Variants in ADCY2 observed in about 807,000 individuals in gnomAD.
ADCY2 encodes the protein adenylate cyclase type 2.
Under a neutral mutation model 125.2 loss-of-function variants are expected in ADCY2, and 31 were observed. That is an observed-to-expected ratio of 0.25 (90% confidence interval 0.19 to 0.33). The LOEUF (loss-of-function observed/expected upper bound fraction) is 0.33. Among genes scored for constraint, ADCY2 ranks in the 10% least tolerant of loss-of-function variants. The pLI, the probability that ADCY2 is intolerant of heterozygous loss-of-function variation, is 1.00. For missense variants in ADCY2, 904 were observed against 1,418.2 expected (o/e 0.64, Z 5.82); for synonymous variants, 512 against 548.4 (o/e 0.93, Z 0.93).
intron 3 of ADCY2, among the ~76,000 whole-genome samples, chr5:7,571,608 A>G (rs1736067662): frequency 6.6e-6 from 1 of 152,122 alleles, no homozygotes; most frequent in South Asian, 2.1e-4. Context: ...AATTATTGCT[A>G]TGGCCAGAAT....
rs548954948 is a variant in ADCY2 at position 7,446,382 on chromosome 5, C to G, written c.408+31612C>G. On this transcript the variant is annotated intron_variant, in intron 2 of 24. Coordinates refer to ENST00000338316, the MANE Select transcript of ADCY2 (RefSeq NM_020546.3). ...ATTTCATGATGTGTGATATCAAATT[C>G]TAACTTCAGATTATATTTTATTGCT... is the stretch of plus-strand genomic sequence containing the variant. 8.5e-5 allele frequency among the ~76,000 whole-genome samples: 13 copies of G among 152,198 alleles called. No homozygotes were observed. In the East Asian group the frequency reaches 2.3e-3, roughly 27 times the overall value.
At position 7,802,044 on chromosome 5, in the gene ADCY2, C is replaced by A. The variant is rs1744613228; in HGVS notation, c.2629-174C>A. Reference sequence around the variant, plus strand: ...CTGAATCCAGCTCATTAGAAGCTTTCCCCTGAGAGCAGCGGCAGCATCTGG... The same window carrying A: ...CTGAATCCAGCTCATTAGAAGCTTTACCCTGAGAGCAGCGGCAGCATCTGG... On this transcript the variant is annotated intron_variant, in intron 20 of 24. Coordinates refer to ENST00000338316, the MANE Select transcript of ADCY2 (RefSeq NM_020546.3). The surrounding 1 kb of genome is among the most constrained non-coding windows in gnomAD (Gnocchi z 4.6). 1 of 638,918 alleles carries A rather than the reference C, an allele frequency of 1.6e-6. No individual in the cohort carries two copies. Among genetic ancestry groups the A allele is most frequent in the Non-Finnish European group, 2.6e-6 (1 of 380,360 alleles). The allele number at this position is 638,918 out of a possible 1,614,324, so 39.6% of individuals were successfully genotyped here.
At chr5:7,581,825 A>G (rs112560558) in intron 3 of ADCY2, among the ~76,000 whole-genome samples, 69,724 of 145,616 alleles carry the variant, frequency 0.48, 16,969 homozygotes, top group Non-Finnish European at 0.55. Context: ...GTCTCAAAAA[A>G]AAAAAAAAAA....
chr5:7,740,351 A>G (rs1742373288), intron 14 of ADCY2, among the ~76,000 whole-genome samples: 1 of 152,026 alleles, frequency 6.6e-6, no homozygotes, highest in Admixed American at 6.5e-5. Context: ...TAAAGCAGAA[A>G]GTGTTAAAAT....
chr5:7,610,585 G>A (rs973586078), intron 3 of ADCY2, among the ~76,000 whole-genome samples: 5 of 152,192 alleles, frequency 3.3e-5, no homozygotes, highest in African/African-American at 4.8e-5. Flanking sequence ...AGGCTCAGCT[G>A]TAAAGGGAAA....
At chr5:7,789,555 GT>G (rs1744190829) in intron 19 of ADCY2, 86 bp from the exon 20 acceptor site, 2 of 1,368,198 alleles carry the variant, frequency 1.5e-6, no homozygotes, top group South Asian at 2.7e-5. Context: ...GTTTCATTTT[GT>G]TCTTTTTGTT....
At chr5:7,698,484 G>A in intron 7 of ADCY2, 110 bp downstream of exon 7, 1 of 1,153,412 alleles carries the variant, frequency 8.7e-7, no homozygotes, top group Middle Eastern at 2.0e-4. Flanking sequence ...TTGGTTTCCT[G>A]CACCCATCAA....
chr5:7,728,961 T>C, intron 14 of ADCY2, among the ~76,000 whole-genome samples: 1 of 152,198 alleles, frequency 6.6e-6, no homozygotes, highest in East Asian at 1.9e-4. Flanking sequence ...CTGGCTTGGC[T>C]TTGATTTTCT....
intron 3 of ADCY2, among the ~76,000 whole-genome samples, chr5:7,528,982 G>T (rs1194626565): frequency 6.6e-6 from 1 of 152,194 alleles, no homozygotes; most frequent in African/African-American, 2.4e-5. Context: ...TGTTCTTGCA[G>T]CACAGAATGA....
At chr5:7,792,402 A>G (rs1183548393) in intron 20 of ADCY2, among the ~76,000 whole-genome samples, 1 of 152,092 alleles carries the variant, frequency 6.6e-6, no homozygotes, top group African/African-American at 2.4e-5. Flanking sequence ...CTCTAAATAA[A>G]TAAATAAACA....
At chr5:7,660,957 A>C (rs189294038) in intron 4 of ADCY2, among the ~76,000 whole-genome samples, 37 of 152,212 alleles carry the variant, frequency 2.4e-4, no homozygotes, top group East Asian at 1.9e-4. Flanking sequence ...GGCAGAATCC[A>C]GTGTCCCAAC....
At chr5:7,456,606 A>C (rs1392817265) in intron 2 of ADCY2, among the ~76,000 whole-genome samples, 1 of 152,214 alleles carries the variant, frequency 6.6e-6, no homozygotes, top group Non-Finnish European at 1.5e-5. Context: ...AGTATATGGA[A>C]ATACTGCTTA....
chr5:7,638,369 C>T lies in ADCY2; in HGVS notation c.720+12053C>T, dbSNP rs564528754. Among the ~76,000 whole-genome samples the T allele has an allele frequency of 8.5e-5, 13 of 152,284 alleles. No individual in the cohort carries two copies. The South Asian group carries it at 2.5e-3, about 29-fold the overall frequency. ...GAATTTGAGGCTCAGCAGCCCGCACCTATGACCTCTGCCCTGAAGAAAATG... is the reference window on the plus strand; with the variant it reads ...GAATTTGAGGCTCAGCAGCCCGCACTTATGACCTCTGCCCTGAAGAAAATG... On this transcript the variant is annotated intron_variant, in intron 4 of 24. Coordinates refer to ENST00000338316, the MANE Select transcript of ADCY2 (RefSeq NM_020546.3).
intron 14 of ADCY2, among the ~76,000 whole-genome samples, chr5:7,731,908 A>G (rs955494122): frequency 6.6e-6 from 1 of 152,162 alleles, no homozygotes; most frequent in Non-Finnish European, 1.5e-5. Flanking sequence ...TGGTGGAAAT[A>G]TCACTTATTT....
At chr5:7,418,837 A>G (rs1432886938) in intron 2 of ADCY2, among the ~76,000 whole-genome samples, 1 of 151,394 alleles carries the variant, frequency 6.6e-6, no homozygotes, top group African/African-American at 2.4e-5. Flanking sequence ...TGTATTTTTA[A>G]TAGAGACGGG....
chr5:7,555,990 G>C (rs1735496380), intron 3 of ADCY2, among the ~76,000 whole-genome samples: 1 of 151,856 alleles, frequency 6.6e-6, no homozygotes, highest in Non-Finnish European at 1.5e-5. Context: ...GTAGCCACTA[G>C]ACAAATGTGG....
At chr5:7,450,569 T>C (rs1741435249) in intron 2 of ADCY2, among the ~76,000 whole-genome samples, 1 of 152,250 alleles carries the variant, frequency 6.6e-6, no homozygotes, top group African/African-American at 2.4e-5. Flanking sequence ...ATGCATGTTA[T>C]CTGAATGATC....
At chr5:7,550,947 TGA>T (rs1191735279) in intron 3 of ADCY2, among the ~76,000 whole-genome samples, 1 of 152,146 alleles carries the variant, frequency 6.6e-6, no homozygotes, top group East Asian at 1.9e-4. Context: ...AAAATCAGCT[TGA>T]GAGTCACTTG....
intron 3 of ADCY2, among the ~76,000 whole-genome samples, chr5:7,578,582 T>C (rs578037604): frequency 6.6e-6 from 1 of 152,320 alleles, no homozygotes; most frequent in East Asian, 1.9e-4. Context: ...AAATTTTCTG[T>C]TTGTTTATCT....
Sources: gnomAD v4.1 joint callset for allele counts (sites outside exome capture counted in the v4.1 genomes callset) on GRCh38, gnomAD v4.1.1 for gene constraint, Gnocchi (gnomAD v3.1) non-coding constraint, MANE v1.5 for transcripts, NCBI Gene and HGNC (gene_info 2026-07-23, HGNC 2026-07-21) for gene names.